The following PPFIA2 variants were observed in gnomAD, a reference collection of about 807,000 sequenced individuals.
PPFIA2 encodes the protein liprin-alpha-2.
A neutral mutation model predicts 175.5 loss-of-function variants in PPFIA2; 46 were observed. The observed-to-expected ratio is 0.26, with a 90% CI of 0.21 to 0.34. The LOEUF is 0.34. PPFIA2 is among the 10% of genes least tolerant of loss of function. The pLI, the probability that PPFIA2 is intolerant of heterozygous loss-of-function variation, is 1.00. For synonymous variants in PPFIA2, 568 were observed against 511.4 expected (o/e 1.11, Z -1.49); for missense variants, 1,179 against 1,506.1 (o/e 0.78, Z 3.60).
intron 4 of PPFIA2, among the ~76,000 whole-genome samples, chr12:81,651,841 T>G (rs1596018564): frequency 6.6e-6 from 1 of 152,224 alleles, no homozygotes; most frequent in Admixed American, 6.5e-5. Flanking sequence ...CAAGAAATAT[T>G]ATCTGTTTTG....
At chr12:81,366,979 A>C in intron 14 of PPFIA2, 129 bp downstream of exon 14, 1 of 1,089,660 alleles carries the variant, frequency 9.2e-7, no homozygotes, top group South Asian at 1.9e-5. Context: ...TATTCTAAAA[A>C]GTTAAAATTG....
chr12:81,611,714 G>A (rs991348904), intron 4 of PPFIA2, among the ~76,000 whole-genome samples: 7 of 152,128 alleles, frequency 4.6e-5, no homozygotes, highest in Non-Finnish European at 8.8e-5. Context: ...TGCCTCTGGG[G>A]GAGTGGGGAG....
rs573748993 is a variant in PPFIA2 at position 81,283,837 on chromosome 12, A to G, written c.2988+404T>C. ...TGGTCAAGCTTGTATCTAAGATGGT[A>G]AAGCACAAGAAACCACATGATCATA... On this transcript the variant is annotated intron_variant, in intron 25 of 32. Transcript: ENST00000549396. Among the ~76,000 whole-genome samples the G allele has an allele frequency of 2.0e-5, 3 of 152,192 alleles. No homozygotes were observed. The South Asian group carries it at 6.2e-4, about 32-fold the overall frequency.
At chr12:81,755,584 T>C (rs951558289) in intron 2 of PPFIA2, among the ~76,000 whole-genome samples, 22 of 152,174 alleles carry the variant, frequency 1.4e-4, no homozygotes, top group South Asian at 6.2e-4. Flanking sequence ...AATTGGGTTA[T>C]TGAGGAGCGA....
intron 8 of PPFIA2, among the ~76,000 whole-genome samples, chr12:81,391,471 T>A (rs774774419): frequency 6.6e-6 from 1 of 151,876 alleles, no homozygotes; most frequent in East Asian, 1.9e-4. Flanking sequence ...GGGTACCAGA[T>A]AGAATGACAA....
At chr12:81,618,992 T>C (rs1302926638) in intron 4 of PPFIA2, among the ~76,000 whole-genome samples, 1 of 152,234 alleles carries the variant, frequency 6.6e-6, no homozygotes, top group African/African-American at 2.4e-5. Context: ...TTTAAAGTCA[T>C]TCTTAATTAT....
At chr12:81,609,304 A>C (rs932691362) in intron 4 of PPFIA2, among the ~76,000 whole-genome samples, 2 of 152,012 alleles carry the variant, frequency 1.3e-5, no homozygotes, top group African/African-American at 2.4e-5. Context: ...AATTGGTCAA[A>C]TGTTGAGTTT....
At chr12:81,286,449 C>G (rs145484556) in intron 24 of PPFIA2, among the ~76,000 whole-genome samples, 1 of 151,884 alleles carries the variant, frequency 6.6e-6, no homozygotes, top group South Asian at 2.1e-4. Flanking sequence ...TATGTTTAGA[C>G]ATATTTGGAT....
chr12:81,677,700 C>T (rs1017451711), intron 3 of PPFIA2, among the ~76,000 whole-genome samples: 41 of 151,868 alleles, frequency 2.7e-4, no homozygotes, highest in African/African-American at 9.4e-4. Flanking sequence ...TCTATTTCTA[C>T]ACATAGAGTA....
chr12:81,665,783 G>A (rs796214364), intron 4 of PPFIA2, among the ~76,000 whole-genome samples: 19 of 152,120 alleles, frequency 1.2e-4, no homozygotes, highest in African/African-American at 3.9e-4. Flanking sequence ...TTAAACTAAA[G>A]AGCTTCTGCA....
chr12:81,476,411 T>C (rs1172146537), intron 4 of PPFIA2, among the ~76,000 whole-genome samples: 3 of 152,226 alleles, frequency 2.0e-5, no homozygotes, highest in Non-Finnish European at 4.4e-5. Context: ...ATTCAAGCCA[T>C]TGCAGAATCA....
chr12:81,390,174 T>A (rs1273501873), intron 8 of PPFIA2, among the ~76,000 whole-genome samples: 1 of 152,086 alleles, frequency 6.6e-6, no homozygotes, highest in Non-Finnish European at 1.5e-5. Flanking sequence ...ACATGTTATT[T>A]ATATATTCAT....
intron 2 of PPFIA2, among the ~76,000 whole-genome samples, chr12:81,757,169 T>A (rs1392540143): frequency 2.0e-5 from 3 of 152,162 alleles, no homozygotes; most frequent in Non-Finnish European, 2.9e-5. Flanking sequence ...AAGATATATA[T>A]TCAATATAAG....
chr12:81,302,578 G>C, intron 22 of PPFIA2: 1 of 306,838 alleles, frequency 3.3e-6, no homozygotes, highest in Admixed American at 4.1e-5. Context: ...AAAATCTCTA[G>C]CATCTGTCTT....
chr12:81,589,826 C>T (rs755825863), intron 4 of PPFIA2, among the ~76,000 whole-genome samples: 147 of 152,104 alleles, frequency 9.7e-4, no homozygotes, highest in South Asian at 1.0e-3. Flanking sequence ...TTAAAAGCTA[C>T]TGAATTGTTC....
At chr12:81,560,855 G>C (rs2069904647) in intron 4 of PPFIA2, among the ~76,000 whole-genome samples, 1 of 152,104 alleles carries the variant, frequency 6.6e-6, no homozygotes, top group Admixed American at 6.5e-5. Flanking sequence ...ATAAAATTTA[G>C]AGAAATAAAT....
intron 6 of PPFIA2, among the ~76,000 whole-genome samples, chr12:81,443,959 A>G (rs181907830): frequency 0.011 from 1,502 of 135,216 alleles, 20 homozygotes; most frequent in Non-Finnish European, 0.015. Flanking sequence ...GGTTCACGCC[A>G]TTCTCCTGCC....
chr12:81,423,167 A>G (rs1365248339), intron 7 of PPFIA2, among the ~76,000 whole-genome samples: 19 of 152,172 alleles, frequency 1.2e-4, no homozygotes. Context: ...CAATGCCTTC[A>G]CAGATGAATT....
chr12:81,474,944 G>T (rs1357711030), intron 4 of PPFIA2, among the ~76,000 whole-genome samples: 1 of 152,052 alleles, frequency 6.6e-6, no homozygotes, highest in Non-Finnish European at 1.5e-5. Flanking sequence ...TTGAAAATGT[G>T]AATTATTTAT....
Sources: gnomAD v4.1 joint callset for allele counts (sites outside exome capture counted in the v4.1 genomes callset) on GRCh38, gnomAD v4.1.1 for gene constraint, MANE v1.5 for transcripts, NCBI Gene and HGNC (gene_info 2026-07-23, HGNC 2026-07-21) for gene names.